FBXW4: variants seen among roughly 807,000 people sequenced by gnomAD.
The protein encoded by FBXW4 is F-box and WD repeat domain containing 4, also known as F-box/WD repeat-containing protein 4.
Under a neutral mutation model 61.8 loss-of-function variants are expected in FBXW4, and 40 were observed. The ratio of observed to expected loss-of-function variants is 0.65; its 90% CI spans 0.50 to 0.84. The LOEUF (loss-of-function observed/expected upper bound fraction) is 0.84. Among genes scored for constraint, FBXW4 ranks in the 40% least tolerant of loss-of-function variants. FBXW4 has a pLI of 0.00. For missense variants in FBXW4, 672 were observed against 753.8 expected (o/e 0.89, Z 1.27); for synonymous variants, 311 against 313.8 (o/e 0.99, Z 0.10).
chr10:101,637,643 T>C (rs2064015751), intron 5 of FBXW4, among the ~76,000 whole-genome samples: 1 of 136,310 alleles, frequency 7.3e-6, no homozygotes, highest in Non-Finnish European at 1.5e-5. Context: ...GAGGTTGCAG[T>C]GAGCCAAGAT....
chr10:101,617,465 A>C (rs2063834562), intron 6 of FBXW4, among the ~76,000 whole-genome samples: 1 of 152,194 alleles, frequency 6.6e-6, no homozygotes, highest in East Asian at 1.9e-4. Context: ...GGGGACAGAT[A>C]GGTTCTAAAC....
chr10:101,685,045 CCCA>C (rs1055669615), intron 1 of FBXW4, among the ~76,000 whole-genome samples: 40 of 152,164 alleles, frequency 2.6e-4, no homozygotes, highest in African/African-American at 9.2e-4. Context: ...CAACTGGACT[CCCA>C]CCAAGCCAAT....
At chr10:101,660,909 T>G (rs981058032) in intron 5 of FBXW4, among the ~76,000 whole-genome samples, 2 of 152,236 alleles carry the variant, frequency 1.3e-5, no homozygotes, top group African/African-American at 4.8e-5. Context: ...CAGACTATGC[T>G]GTCTAGTTCA....
chr10:101,633,940 T>C (rs2134832242), intron 5 of FBXW4, among the ~76,000 whole-genome samples: 1 of 151,954 alleles, frequency 6.6e-6, no homozygotes, highest in East Asian at 1.9e-4. Context: ...ACCCTGTCTC[T>C]ACTAAAAAAT....
chr10:101,675,942 T>C (rs1486086940), intron 2 of FBXW4, among the ~76,000 whole-genome samples: 1 of 152,118 alleles, frequency 6.6e-6, no homozygotes, highest in East Asian at 1.9e-4. Context: ...CTCCATAGAG[T>C]AGAAGATTTA....
At chr10:101,663,985 C>T (rs1214169121) in intron 5 of FBXW4, among the ~76,000 whole-genome samples, 1 of 152,196 alleles carries the variant, frequency 6.6e-6, no homozygotes, top group Non-Finnish European at 1.5e-5. Flanking sequence ...CCTTGCCTGC[C>T]ACTTTCCTTT....
At chr10:101,672,377 G>A (rs148485518) in intron 4 of FBXW4, among the ~76,000 whole-genome samples, 187 of 152,246 alleles carry the variant, frequency 1.2e-3, no homozygotes, top group African/African-American at 4.3e-3. Flanking sequence ...TTATGCCTTG[G>A]TGGATATCTG....
In FBXW4 at chr10:101,694,359, G is replaced by A; in HGVS notation, c.725+22C>T. ...GCGGGGCCGGCTCGGGGCGGGGAGCGGGCGGGCGAGCGGACGCTTACAGGT... is the reference window on the plus strand; with the variant it reads ...GCGGGGCCGGCTCGGGGCGGGGAGCAGGCGGGCGAGCGGACGCTTACAGGT... On this transcript the variant is annotated intron_variant, in intron 1 of 8. Coordinates refer to ENST00000331272, the MANE Select transcript of FBXW4 (RefSeq NM_022039.4). The surrounding 1 kb of genome is among the most constrained non-coding windows in gnomAD (Gnocchi z 6.0). 3.0e-6 allele frequency: 4 copies of A among 1,355,096 alleles called. No individual in the cohort carries two copies. The highest frequency in any genetic ancestry group is 3.6e-5 in the South Asian group (2 of 54,796). 83.9% of individuals were successfully genotyped at this position (1,355,096 alleles called of 1,614,324 possible).
intron 6 of FBXW4, among the ~76,000 whole-genome samples, chr10:101,612,778 G>A (rs2063798814): frequency 1.3e-5 from 2 of 151,964 alleles, no homozygotes; most frequent in Non-Finnish European, 2.9e-5. Flanking sequence ...AATGAATGGG[G>A]GGGCTTGCTG....
intron 5 of FBXW4, among the ~76,000 whole-genome samples, chr10:101,646,536 T>C (rs1007551648): frequency 2.0e-5 from 3 of 152,232 alleles, no homozygotes; most frequent in African/African-American, 7.2e-5. Context: ...CGGGGCTTGT[T>C]GCTGGTCAAG....
chr10:101,689,717 T>A (rs2134922556), intron 1 of FBXW4, among the ~76,000 whole-genome samples: 1 of 152,330 alleles, frequency 6.6e-6, no homozygotes, highest in East Asian at 1.9e-4. Context: ...GGAAACTATA[T>A]GCTTTCTGGG....
At chr10:101,681,835 G>C (rs897817827) in intron 1 of FBXW4, among the ~76,000 whole-genome samples, 3 of 151,690 alleles carry the variant, frequency 2.0e-5, no homozygotes, top group Non-Finnish European at 1.5e-5. Flanking sequence ...ATTGTTGACA[G>C]TTATGTCTTC....
Position 101,611,827 on chromosome 10 carries a change from G to A in FBXW4, c.1443-58C>T, listed in dbSNP as rs528887828. ...TAGGGTACCCTCCACCTCTACCCCA[G>A]CTTTCTTGGGCCTAGAGTGGCTGAG... is the stretch of plus-strand genomic sequence containing the variant. On this transcript the variant is annotated intron_variant, in intron 7 of 8. Transcript: ENST00000331272. This position sits in a 1 kb window ranked among gnomAD's most constrained non-coding sequence, Gnocchi z 4.9. 8 of 1,569,256 alleles carry A rather than the reference G, an allele frequency of 5.1e-6. No homozygotes were observed. In the South Asian group the frequency reaches 6.9e-5, roughly 14 times the overall value.
intron 7 of FBXW4, 28 bp downstream of exon 7, chr10:101,612,309 A>T: frequency 6.6e-7 from 1 of 1,507,732 alleles, no homozygotes; most frequent in Non-Finnish European, 8.9e-7. Context: ...GGCCCCCACC[A>T]CCTGTCCTCC....
intron 1 of FBXW4, among the ~76,000 whole-genome samples, chr10:101,678,493 T>G (rs1177516499): frequency 6.6e-6 from 1 of 152,220 alleles, no homozygotes; most frequent in African/African-American, 2.4e-5. Context: ...TGGCACGATC[T>G]CGGCTCACTG....
chr10:101,659,374 A>G (rs2134872584), intron 5 of FBXW4: 1 of 985,052 alleles, frequency 1.0e-6, no homozygotes, highest in East Asian at 1.1e-4. Context: ...AGATGCAGTG[A>G]CTCGTGCAGT....
intron 5 of FBXW4, among the ~76,000 whole-genome samples, chr10:101,662,654 G>A (rs1049347663): frequency 1.3e-5 from 2 of 152,186 alleles, no homozygotes; most frequent in Non-Finnish European, 2.9e-5. Flanking sequence ...TTGGAGACAG[G>A]GAAAGGGTTT....
rs1218852754 is a variant in FBXW4 at position 101,648,127 on chromosome 10, C to A, written c.1235+19759G>T. ...GGTCTACCAACCAGAAGAAGATATC[C>A]TGCGATTTGGGTTTTTTTGTTTGTT... On this transcript the variant is annotated intron_variant, in intron 5 of 8. Transcript: ENST00000331272. 7.2e-5 allele frequency among the ~76,000 whole-genome samples: 11 copies of A among 152,126 alleles called. No individual in the cohort carries two copies. In the East Asian group the frequency reaches 1.9e-3, roughly 27 times the overall value.
intron 6 of FBXW4, among the ~76,000 whole-genome samples, chr10:101,614,011 T>C (rs1387054018): frequency 6.6e-6 from 1 of 152,166 alleles, no homozygotes; most frequent in East Asian, 1.9e-4. Flanking sequence ...TAACCTTGGC[T>C]CCCAGAGAAG....
Sources: allele counts gnomAD v4.1 joint callset (sites outside exome capture counted in the v4.1 genomes callset), GRCh38; gene constraint gnomAD v4.1.1; non-coding constraint Gnocchi (gnomAD v3.1); transcripts MANE v1.5; gene names NCBI Gene and HGNC (gene_info 2026-07-23, HGNC 2026-07-21).